The following SEZ6L2 variants were observed in gnomAD, a reference collection of about 807,000 sequenced individuals.
SEZ6L2 encodes the protein seizure related 6 homolog like 2.
In SEZ6L2, 44 loss-of-function variants were observed where a neutral mutation model predicts 97.0. The observed-to-expected ratio is 0.45, with a 90% CI of 0.36 to 0.58. The LOEUF (loss-of-function observed/expected upper bound fraction) is 0.58. Among genes scored for constraint, SEZ6L2 ranks in the 20% least tolerant of loss-of-function variants. The probability of loss-of-function intolerance (pLI) is 0.00; values close to 1 mark genes in which losing one functional copy is unlikely to be tolerated. For missense variants in SEZ6L2, 1,086 were observed against 1,233.3 expected, an observed-to-expected ratio of 0.88 and a Z score of 1.79; for synonymous variants, 543 against 546.1, an observed-to-expected ratio of 0.99 and a Z score of 0.08.
chr16:29,872,480 C>G lies in SEZ6L2; in HGVS notation c.2574G>C (p.Leu858=), dbSNP rs145438044. 3,309 of 1,614,234 alleles carry G rather than the reference C, an allele frequency of 2.0e-3. 8 individuals are homozygous for G. Among genetic ancestry groups the G allele is most frequent in the Non-Finnish European group, 2.4e-3 (2,792 of 1,180,038 alleles). Residue 858 remains leucine (L), a synonymous_variant, in exon 16 of 18, where the codon CTG becomes CTC. Coordinates refer to ENST00000617533, the MANE Select transcript of SEZ6L2 (RefSeq NM_001243332.2). ...CTAGAGGCAGCAGGATGGCCAGGGCCAGGTTCCCCCCTTCCAGCTGCCGTG... is the reference window on the plus strand; with the variant it reads ...CTAGAGGCAGCAGGATGGCCAGGGCGAGGTTCCCCCCTTCCAGCTGCCGTG... ...DPSRQLEGGN[L]ALAILLPLGL... is the part of the protein sequence containing the mutation.
At chr16:29,892,323 T>C (rs2150810514) in intron 5 of SEZ6L2, among the ~76,000 whole-genome samples, 1 of 152,380 alleles carries the variant, frequency 6.6e-6, no homozygotes, top group Middle Eastern at 3.4e-3. Context: ...TGTGCAATAG[T>C]CCTGCTTCCC....
At chr16:29,898,014 A>G (rs1315737847) in intron 1 of SEZ6L2, 30 bp from the exon 2 acceptor site, 1 of 1,610,660 alleles carries the variant, frequency 6.2e-7, no homozygotes, top group Non-Finnish European at 8.5e-7. Context: ...GAGCTTCTCC[A>G]CTTCCCCACA....
intron 2 of SEZ6L2, 38 bp from the exon 3 acceptor site, chr16:29,897,159 C>T: frequency 4.1e-6 from 6 of 1,470,954 alleles, no homozygotes; most frequent in Non-Finnish European, 5.4e-6. Flanking sequence ...ACAGGAGGAG[C>T]ACATGGAGGA....
At position 29,873,131 on chromosome 16, in the gene SEZ6L2, C is replaced by G. The variant is rs1176740947; in HGVS notation, c.2488+109G>C. On this transcript the variant is annotated intron_variant, in intron 14 of 17. Coordinates refer to ENST00000617533, the MANE Select transcript of SEZ6L2 (RefSeq NM_001243332.2). The surrounding 1 kb of genome is among the most constrained non-coding windows in gnomAD (Gnocchi z 4.3). ...GGACACGAGGCCACAGGAGGAGAAC[C>G]GGGAGCTCTGTGGGGTCGCCCATTG... The G allele has an allele frequency of 1.6e-6, 2 of 1,258,630 alleles. No homozygotes were observed. Among genetic ancestry groups the G allele is most frequent in the East Asian group, 5.0e-5 (2 of 40,264 alleles). 78.0% of individuals were successfully genotyped at this position (1,258,630 alleles called of 1,614,324 possible). A position where few individuals can be genotyped will look rare whatever the true frequency, so the allele number is the denominator to read the frequency against.
At chr16:29,872,889 G>C in intron 14 of SEZ6L2, 146 bp from the exon 15 acceptor site, 1 of 694,258 alleles carries the variant, frequency 1.4e-6, no homozygotes, top group South Asian at 1.9e-5. Flanking sequence ...TTGTGGGGAA[G>C]AGAGAGGAGT....
chr16:29,879,503 G>A (rs1472394575), intron 9 of SEZ6L2, among the ~76,000 whole-genome samples: 5 of 152,164 alleles, frequency 3.3e-5, no homozygotes, highest in African/African-American at 1.2e-4. Context: ...GGTATTACAG[G>A]CGTGAGCCAC....
At chr16:29,886,323 C>G (rs950928419) in intron 7 of SEZ6L2, among the ~76,000 whole-genome samples, 1 of 151,912 alleles carries the variant, frequency 6.6e-6, no homozygotes, top group East Asian at 1.9e-4. Flanking sequence ...GAGCTGAATC[C>G]GTGCCACTGC....
At chr16:29,872,149 C>T in intron 17 of SEZ6L2, 38 bp downstream of exon 17, 1 of 1,498,352 alleles carries the variant, frequency 6.7e-7, no homozygotes, top group Non-Finnish European at 9.0e-7. Context: ...CCTGGGAGAG[C>T]CAAGTGGTGG....
chr16:29,891,717 G>T (rs1447774003), intron 5 of SEZ6L2, among the ~76,000 whole-genome samples: 1 of 152,090 alleles, frequency 6.6e-6, no homozygotes, highest in Non-Finnish European at 1.5e-5. Flanking sequence ...AAGACCACTG[G>T]ATTTGTCATC....
intron 15 of SEZ6L2, 40 bp from the exon 16 acceptor site, chr16:29,872,566 C>A: frequency 6.2e-7 from 1 of 1,604,682 alleles, no homozygotes; most frequent in Non-Finnish European, 8.5e-7. Context: ...TGGCTGGGCC[C>A]GGTCCTGGGC....
intron 5 of SEZ6L2, among the ~76,000 whole-genome samples, chr16:29,891,884 C>A (rs141474229): frequency 1.3e-5 from 2 of 152,316 alleles, no homozygotes; most frequent in African/African-American, 4.8e-5. Flanking sequence ...ACACGCAAAG[C>A]ACCTGGCACA....
rs1348309125 is a variant in SEZ6L2 at position 29,899,053 on chromosome 16, C to G, written c.-34G>C. 4 of 1,514,456 alleles carry G rather than the reference C, an allele frequency of 2.6e-6. No homozygotes were observed. In the African/African-American group the frequency reaches 5.5e-5, roughly 21 times the overall value. 93.8% of individuals were successfully genotyped at this position (1,514,456 alleles called of 1,614,324 possible). A position where few individuals can be genotyped will look rare whatever the true frequency, so the allele number is the denominator to read the frequency against. On this transcript the variant is annotated 5_prime_UTR_variant, in exon 1 of 18. Transcript: ENST00000617533. ...ACCCCGATCTCTCTCCTCTGTGCCT[C>G]TCTAAGTAATCTGGCTGCCACCTTT...
In SEZ6L2 at chr16:29,890,743, CTTTTTTTTTTTT is replaced by C. The variant is rs71143763; in HGVS notation, c.854-2030_854-2019del. ...ATTTTGTCATCACATTAACCATTGT[CTTTTTTTTTTTT>C]TTTTTTTTTTTTTGAGAGGGTCTCA... On this transcript the variant is annotated intron_variant, in intron 5 of 17. Coordinates refer to ENST00000617533, the MANE Select transcript of SEZ6L2 (RefSeq NM_001243332.2). Among the ~76,000 whole-genome samples, 187 of 74,410 alleles carry C rather than the reference CTTTTTTTTTTTT, an allele frequency of 2.5e-3. 1 individual carries two copies. The highest frequency in any genetic ancestry group is 0.01 in the African/African-American group (172 of 16,642). 48.8% of individuals were successfully genotyped at this position (74,410 alleles called of 152,430 possible). A position where few individuals can be genotyped will look rare whatever the true frequency, so the allele number is the denominator to read the frequency against.
Position 29,899,171 on chromosome 16 carries a change from C to T in SEZ6L2, c.-152G>A, listed in dbSNP as rs2068477914. ...AGCAAAGAAAGACAATTTCTCTGCCCCTTGGGATGGAGGGGCAGAATTGGG... is the reference window on the plus strand; with the variant it reads ...AGCAAAGAAAGACAATTTCTCTGCCTCTTGGGATGGAGGGGCAGAATTGGG... On this transcript the variant is annotated 5_prime_UTR_variant, in exon 1 of 18. Transcript: ENST00000617533. The T allele has an allele frequency of 4.7e-6, 3 of 635,650 alleles. No individual in the cohort carries two copies. The allele number at this position is 635,650 out of a possible 1,614,324, so 39.4% of individuals were successfully genotyped here.
At chr16:29,885,894 A>G (rs1441107936) in intron 7 of SEZ6L2, 145 bp from the exon 8 acceptor site, 1 of 667,768 alleles carries the variant, frequency 1.5e-6, no homozygotes, top group Non-Finnish European at 2.3e-6. Context: ...TACACATTCT[A>G]TCTCATTTAA....
At chr16:29,884,266 T>C (rs2068086782) in intron 8 of SEZ6L2, among the ~76,000 whole-genome samples, 1 of 152,058 alleles carries the variant, frequency 6.6e-6, no homozygotes, top group East Asian at 1.9e-4. Context: ...TCTCAGGAAA[T>C]ATATGAGTGT....
chr16:29,895,092 T>C (rs530361277), intron 5 of SEZ6L2, among the ~76,000 whole-genome samples, 167 bp downstream of exon 5: 1 of 145,428 alleles, frequency 6.9e-6, no homozygotes, highest in Non-Finnish European at 1.5e-5. Context: ...GGCAGGAGAA[T>C]GGCGTGAACC....
At chr16:29,890,799 A>C (rs531435685) in intron 5 of SEZ6L2, among the ~76,000 whole-genome samples, 6 of 120,206 alleles carry the variant, frequency 5.0e-5, no homozygotes, top group African/African-American at 2.0e-4. Flanking sequence ...CCCAGTCTGG[A>C]GTGCAGTGGC....
intron 5 of SEZ6L2, among the ~76,000 whole-genome samples, chr16:29,894,529 C>A (rs1316261889): frequency 6.6e-6 from 1 of 151,854 alleles, no homozygotes; most frequent in African/African-American, 2.4e-5. Context: ...AATTTAGGTC[C>A]CTTGGCTATG....
Sources: gnomAD v4.1 joint callset for allele counts (sites outside exome capture counted in the v4.1 genomes callset) on GRCh38, gnomAD v4.1.1 for gene constraint, Gnocchi (gnomAD v3.1) non-coding constraint, MANE v1.5 for transcripts, NCBI Gene and HGNC (gene_info 2026-07-23, HGNC 2026-07-21) for gene names.